The following EYA1 variants were observed in gnomAD, a reference collection of about 807,000 sequenced individuals.
The protein encoded by EYA1 is EYA transcriptional coactivator and phosphatase 1.
In EYA1, 16 loss-of-function variants were observed where a neutral mutation model predicts 82.0. The ratio of observed to expected loss-of-function variants is 0.20; its 90% CI spans 0.13 to 0.30. The LOEUF is 0.30. Among genes scored for constraint, EYA1 ranks in the 10% least tolerant of loss-of-function variants. The pLI is 1.00. For synonymous variants in EYA1, 261 were observed against 264.4 expected, an observed-to-expected ratio of 0.99 and a Z score of 0.12; for missense variants, 633 against 730.7, an observed-to-expected ratio of 0.87 and a Z score of 1.54.
At position 71,448,439 on chromosome 8, in the gene EYA1, T is replaced by C. The variant is rs180906181; in HGVS notation, c.33+87305A>G. Reference sequence around the variant, plus strand: ...TCACATCTTGAGGATCCACTCTAATTCTATTTCTCTTCCTATTTCCACTAC... The same window carrying C: ...TCACATCTTGAGGATCCACTCTAATCCTATTTCTCTTCCTATTTCCACTAC... On this transcript the variant is annotated intron_variant, in intron 2 of 18. Coordinates refer to the EYA1 transcript ENST00000643681. Among the ~76,000 whole-genome samples, 7 of 152,278 alleles carry C rather than the reference T, an allele frequency of 4.6e-5. No individual in the cohort carries two copies. The East Asian group carries it at 5.8e-4, about 13-fold the overall frequency.
At chr8:71,511,875 C>T (rs73293182) in intron 2 of EYA1, among the ~76,000 whole-genome samples, 5 of 152,238 alleles carry the variant, frequency 3.3e-5, no homozygotes, top group African/African-American at 1.2e-4. Flanking sequence ...AAACAGCAAA[C>T]TAGGAACCAG....
intron 2 of EYA1, among the ~76,000 whole-genome samples, chr8:71,511,646 T>G (rs1189861942): frequency 1.3e-5 from 2 of 152,096 alleles, no homozygotes; most frequent in Non-Finnish European, 2.9e-5. Flanking sequence ...AGGGTGCACG[T>G]GGAGAAGAGA....
chr8:71,376,313 A>G (rs923363462), intron 2 of EYA1, among the ~76,000 whole-genome samples: 6 of 152,200 alleles, frequency 3.9e-5, no homozygotes, highest in African/African-American at 1.4e-4. Flanking sequence ...AAGAAAGAAC[A>G]GGGCCAGGGC....
intron 17 of EYA1, among the ~76,000 whole-genome samples, chr8:71,201,239 A>G (rs1442325554): frequency 1.4e-3 from 203 of 141,832 alleles, no homozygotes; most frequent in African/African-American, 5.1e-3. Context: ...AAAAAAAAAG[A>G]AAAAAAAAAA....
intron 7 of EYA1, among the ~76,000 whole-genome samples, chr8:71,300,726 A>T (rs1210180183): frequency 2.0e-5 from 3 of 152,202 alleles, no homozygotes; most frequent in Non-Finnish European, 4.4e-5. Context: ...CCCCAACTCC[A>T]TAACAGGTAC....
intron 2 of EYA1, among the ~76,000 whole-genome samples, chr8:71,421,377 G>T (rs749024390): frequency 6.6e-6 from 1 of 152,158 alleles, no homozygotes; most frequent in Middle Eastern, 3.2e-3. Context: ...TGAGGAAACT[G>T]AAGGCCAAGA....
chr8:71,250,292 G>C (rs528590263), intron 11 of EYA1, among the ~76,000 whole-genome samples: 43 of 152,276 alleles, frequency 2.8e-4, no homozygotes, highest in African/African-American at 1.0e-3. Flanking sequence ...ACTAGGCAGA[G>C]GCCTAAACTG....
chr8:71,435,547 T>C (rs117428635), intron 2 of EYA1, among the ~76,000 whole-genome samples: 128 of 152,176 alleles, frequency 8.4e-4, no homozygotes, highest in Non-Finnish European at 1.4e-3. Flanking sequence ...GAATTCTGGG[T>C]TGGGGGGAAG....
chr8:71,507,029 C>T (rs890465547), intron 2 of EYA1, among the ~76,000 whole-genome samples: 1 of 152,214 alleles, frequency 6.6e-6, no homozygotes. Context: ...AAAGGAATAA[C>T]TGACTTTAAA....
intron 1 of EYA1, among the ~76,000 whole-genome samples, chr8:71,539,145 G>A (rs553365844): frequency 6.6e-6 from 1 of 151,910 alleles, no homozygotes; most frequent in Non-Finnish European, 1.5e-5. Context: ...TAACATTCTG[G>A]GTTAGCTATT....
At chr8:71,223,282 T>A (rs571191873) in intron 12 of EYA1, among the ~76,000 whole-genome samples, 1 of 152,178 alleles carries the variant, frequency 6.6e-6, no homozygotes, top group Non-Finnish European at 1.5e-5. Flanking sequence ...TGCGGTGTTG[T>A]GCCCACAGTT....
intron 1 of EYA1, among the ~76,000 whole-genome samples, chr8:71,359,246 A>G (rs1017208794): frequency 6.6e-6 from 1 of 152,190 alleles, no homozygotes; most frequent in Non-Finnish European, 1.5e-5. Flanking sequence ...TTTTCTAATT[A>G]AATTTATAAT....
intron 12 of EYA1, among the ~76,000 whole-genome samples, chr8:71,233,290 T>C (rs191371535): frequency 1.5e-3 from 228 of 152,102 alleles, no homozygotes; most frequent in Non-Finnish European, 2.3e-3. Flanking sequence ...TTCTGCCGGG[T>C]GCGGTGGCTC....
At chr8:71,457,145 C>T in intron 2 of EYA1, among the ~76,000 whole-genome samples, 1 of 152,134 alleles carries the variant, frequency 6.6e-6, no homozygotes, top group Non-Finnish European at 1.5e-5. Context: ...AGGCAGCCAA[C>T]AGACACATGA....
At chr8:71,521,269 A>G (rs1813376793) in intron 2 of EYA1, among the ~76,000 whole-genome samples, 1 of 152,146 alleles carries the variant, frequency 6.6e-6, no homozygotes, top group Non-Finnish European at 1.5e-5. Flanking sequence ...TTTCAGTCAT[A>G]TCTTAAATCT....
chr8:71,403,732 A>G (rs1163633950), intron 2 of EYA1: 2 of 152,196 alleles, frequency 1.3e-5, no homozygotes, highest in East Asian at 3.9e-4. Context: ...TTTCAAGCAT[A>G]AAAACAAGCT....
chr8:71,321,724 G>C lies in EYA1; in HGVS notation c.418+10C>G, dbSNP rs775660489. On this transcript the variant is annotated intron_variant, in intron 6 of 17. Coordinates refer to ENST00000340726, the MANE Select transcript of EYA1 (RefSeq NM_000503.6). ...CGATAACGCCACCACTACAGTTGCAGGTTACTCACCATATGAGGAAATGCC... is the reference window on the plus strand; with the variant it reads ...CGATAACGCCACCACTACAGTTGCACGTTACTCACCATATGAGGAAATGCC... 8.1e-6 allele frequency: 13 copies of C among 1,613,770 alleles called. No individual in the cohort carries two copies. The Admixed American group carries it at 2.0e-4, about 25-fold the overall frequency.
At chr8:71,466,004 C>T (rs987925512) in intron 2 of EYA1, among the ~76,000 whole-genome samples, 1 of 152,182 alleles carries the variant, frequency 6.6e-6, no homozygotes, top group African/African-American at 2.4e-5. Context: ...TCCATCAAAA[C>T]ATTCTGCCCT....
intron 2 of EYA1, among the ~76,000 whole-genome samples, chr8:71,383,094 AT>A (rs5892276): frequency 0.045 from 6,779 of 149,828 alleles, 381 homozygotes; most frequent in African/African-American, 0.13. Flanking sequence ...AACAGCACCT[AT>A]TTTTTTTTTG....
Sources: allele counts gnomAD v4.1 joint callset (sites outside exome capture counted in the v4.1 genomes callset), GRCh38; gene constraint gnomAD v4.1.1; transcripts MANE v1.5; gene names NCBI Gene and HGNC (gene_info 2026-07-23, HGNC 2026-07-21).